Variants in TSN observed in about 807,000 individuals in gnomAD.
TSN encodes the protein translin.
In TSN, 5 loss-of-function variants were observed where a neutral mutation model predicts 29.4. That is an observed-to-expected ratio of 0.17 (90% confidence interval 0.09 to 0.36). The LOEUF (loss-of-function observed/expected upper bound fraction) is 0.36, where lower values mean the gene tolerates loss of function less well. Ranked by LOEUF, TSN falls within the 10% of genes least tolerant of loss-of-function variation. TSN has a pLI of 1.00. For missense variants in TSN, 159 were observed against 272.8 expected (o/e 0.58, Z 2.94); for synonymous variants, 106 against 102.2 (o/e 1.04, Z -0.23).
chr2:121,762,903 C>A, intron 4 of TSN, 102 bp from the exon 5 acceptor site: 3 of 1,075,254 alleles, frequency 2.8e-6, no homozygotes, highest in Non-Finnish European at 3.9e-6. Flanking sequence ...TTAAAAGATT[C>A]ATCCTTTCTT....
intron 1 of TSN, chr2:121,756,661 T>C (rs1279982460): frequency 8.5e-6 from 11 of 1,293,670 alleles, no homozygotes; most frequent in Non-Finnish European, 1.1e-5. Flanking sequence ...TTCCAGCATT[T>C]TGGGAGGCCG....
chr2:121,756,569 A>T, intron 1 of TSN: 4 of 1,194,450 alleles, frequency 3.3e-6, no homozygotes, highest in Non-Finnish European at 4.5e-6. Context: ...CCCGGTATTT[A>T]CACAGTGCCT....
At chr2:121,764,050 G>A (rs1223848371) in intron 5 of TSN, among the ~76,000 whole-genome samples, 2 of 152,162 alleles carry the variant, frequency 1.3e-5, no homozygotes, top group Admixed American at 6.5e-5. Flanking sequence ...AGGGAAAATG[G>A]TATGCCCTCC....
intron 2 of TSN, among the ~76,000 whole-genome samples, chr2:121,757,760 A>T (rs1282736964): frequency 6.6e-6 from 1 of 151,656 alleles, no homozygotes; most frequent in Non-Finnish European, 1.5e-5. Flanking sequence ...GGGTTCAAGC[A>T]ATTCTCCTGC....
intron 5 of TSN, 148 bp downstream of exon 5, chr2:121,763,232 T>C: frequency 1.9e-6 from 1 of 536,300 alleles, no homozygotes; most frequent in Non-Finnish European, 3.0e-6. Context: ...AAGCTCCGCC[T>C]CCCGAGTTCA....
intron 5 of TSN, among the ~76,000 whole-genome samples, chr2:121,763,609 A>C (rs188282480): frequency 1.2e-4 from 19 of 152,354 alleles, no homozygotes; most frequent in Non-Finnish European, 1.5e-4. Context: ...TACTGAGTTA[A>C]GAATTTTTAA....
At chr2:121,757,497 C>T in intron 2 of TSN, 164 bp downstream of exon 2, 1 of 1,343,826 alleles carries the variant, frequency 7.4e-7, no homozygotes, top group South Asian at 1.3e-5. Flanking sequence ...TCCACTTCCA[C>T]ACAGTATGGT....
intron 4 of TSN, among the ~76,000 whole-genome samples, chr2:121,762,420 G>A (rs1281414626): frequency 2.0e-5 from 3 of 152,186 alleles, no homozygotes; most frequent in Non-Finnish European, 4.4e-5. Flanking sequence ...GAGCCACCAC[G>A]CCTGGCCTTT....
intron 1 of TSN, chr2:121,756,681 G>A (rs887438814): frequency 7.1e-6 from 9 of 1,275,298 alleles, no homozygotes; most frequent in Non-Finnish European, 9.3e-6. Context: ...GAGGCGGCCA[G>A]ATCACCTGAG....
chr2:121,756,541 G>A, intron 1 of TSN: 2 of 833,300 alleles, frequency 2.4e-6, no homozygotes, highest in Non-Finnish European at 3.5e-6. Context: ...CAGAGGGAAG[G>A]GATTGTGTGC....
Position 121,765,413 on chromosome 2 carries a change from G to T in TSN, c.*46G>T. The T allele has an allele frequency of 5.0e-6, 8 of 1,584,546 alleles. No homozygotes were observed. The highest frequency in any genetic ancestry group is 6.1e-6 in the Non-Finnish European group (7 of 1,154,528). The stretch of plus-strand genomic sequence containing the variant: ...CCTTGCTGACCTCAGCGGTTGCCAG[G>T]AAGGGGTGAGCACAGAGTGCCTCTT... On this transcript the variant is annotated 3_prime_UTR_variant, in exon 6 of 6. Transcript: ENST00000389682.
In TSN at chr2:121,765,963, G is replaced by C. The variant is rs1420229887; in HGVS notation, c.*596G>C. The C allele has an allele frequency of 6.6e-6, 1 of 152,498 alleles. No individual in the cohort carries two copies. Among genetic ancestry groups the C allele is most frequent in the Non-Finnish European group, 1.5e-5 (1 of 68,270 alleles). 9.4% of individuals were successfully genotyped at this position (152,498 alleles called of 1,614,324 possible). A position where few individuals can be genotyped will look rare whatever the true frequency, so the allele number is the denominator to read the frequency against. On this transcript the variant is annotated 3_prime_UTR_variant, in exon 6 of 6. Coordinates refer to ENST00000389682, the MANE Select transcript of TSN (RefSeq NM_004622.3). ...GTAAAAGATTAAACTGCGAAGTCAAGCTCAACAGATTATTTTGGAAAGTTT... is the reference window on the plus strand; with the variant it reads ...GTAAAAGATTAAACTGCGAAGTCAACCTCAACAGATTATTTTGGAAAGTTT...
At chr2:121,760,207 G>A (rs1287726383) in intron 3 of TSN, among the ~76,000 whole-genome samples, 1 of 152,186 alleles carries the variant, frequency 6.6e-6, no homozygotes, top group East Asian at 1.9e-4. Context: ...ATAGTAGTGC[G>A]AACCCTATTG....
intron 2 of TSN, 106 bp downstream of exon 2, chr2:121,757,439 G>A (rs1368838631): frequency 6.4e-7 from 1 of 1,563,320 alleles, no homozygotes; most frequent in Non-Finnish European, 8.7e-7. Flanking sequence ...TTTATGGTGA[G>A]TAAAAATTGA....
In TSN at chr2:121,758,750, A is replaced by C; in HGVS notation, c.201A>C (p.Thr67=). The change falls in exon 3 of 6, where the codon ACA becomes ACC. Residue 67 remains threonine, a synonymous_variant. Coordinates refer to ENST00000389682, the MANE Select transcript of TSN (RefSeq NM_004622.3). The stretch of plus-strand genomic sequence containing the variant: ...TGAAAGCTCGAGAACATTTTGGTAC[A>C]GTAAAAACACATCTAACATCTTTGA... ...RCLKAREHFG[T]VKTHLTSLKT... is the part of the protein sequence containing the mutation. The C allele has an allele frequency of 6.3e-7, 1 of 1,591,490 alleles. No homozygotes were observed. The highest frequency in any genetic ancestry group is 1.3e-5 in the African/African-American group (1 of 74,364).
At chr2:121,761,343 C>A in intron 3 of TSN, 66 bp from the exon 4 acceptor site, 1 of 1,078,162 alleles carries the variant, frequency 9.3e-7, no homozygotes, top group Non-Finnish European at 1.4e-6. Flanking sequence ...TTGAACATGG[C>A]TGTATTAAAC....
rs779046098 is a variant in TSN, at chr2:121,767,643, C to CA, written c.*2277dup. Reference sequence around the variant, plus strand: ...ATTCATTTATAAGAAGAGAACCAGCCATATACACTTGGGGAGATTTGCCAC... The same window carrying CA: ...ATTCATTTATAAGAAGAGAACCAGCCAATATACACTTGGGGAGATTTGCCAC... On this transcript the variant is annotated 3_prime_UTR_variant, in exon 6 of 6. Coordinates refer to ENST00000389682, the MANE Select transcript of TSN (RefSeq NM_004622.3). 3.3e-5 allele frequency: 5 copies of CA among 152,022 alleles called. No homozygotes were observed. The highest frequency in any genetic ancestry group is 7.3e-5 in the Non-Finnish European group (5 of 68,032). 9.4% of individuals were successfully genotyped at this position (152,022 alleles called of 1,614,324 possible).
chr2:121,756,562 G>A (rs1183741256), intron 1 of TSN: 10 of 1,096,444 alleles, frequency 9.1e-6, no homozygotes, highest in Non-Finnish European at 1.2e-5. Context: ...TTGGTTCCCC[G>A]GTATTTACAC....
At chr2:121,760,069 G>A (rs2074802279) in intron 3 of TSN, among the ~76,000 whole-genome samples, 1 of 152,234 alleles carries the variant, frequency 6.6e-6, no homozygotes, top group Non-Finnish European at 1.5e-5. Flanking sequence ...TAGGAACTGG[G>A]ATGCACAGAA....
Sources: gnomAD v4.1 joint callset for allele counts (sites outside exome capture counted in the v4.1 genomes callset) on GRCh38, gnomAD v4.1.1 for gene constraint, MANE v1.5 for transcripts, NCBI Gene and HGNC (gene_info 2026-07-23, HGNC 2026-07-21) for gene names.